Variants in CDH13 observed in about 807,000 individuals in gnomAD.
CDH13 encodes the protein cadherin-13.
Under a neutral mutation model 63.8 loss-of-function variants are expected in CDH13, and 24 were observed. The observed-to-expected ratio is 0.38, with a 90% confidence interval of 0.27 to 0.53. The LOEUF (loss-of-function observed/expected upper bound fraction) is 0.53. Among genes scored for constraint, CDH13 ranks in the 20% least tolerant of loss-of-function variants. The probability of loss-of-function intolerance (pLI) is 0.85; values close to 1 mark genes in which losing one functional copy is unlikely to be tolerated. For synonymous variants in CDH13, 503 were observed against 355.3 expected (o/e 1.42, Z -4.67); for missense variants, 1,049 against 903.1 (o/e 1.16, Z -2.07).
At chr16:82,659,362 G>T (rs778183236) in intron 1 of CDH13, among the ~76,000 whole-genome samples, 3 of 152,194 alleles carry the variant, frequency 2.0e-5, no homozygotes, top group Non-Finnish European at 2.9e-5. Flanking sequence ...AGACGGCCTT[G>T]CCATTGAGAG....
At chr16:82,935,988 A>G (rs1460781362) in intron 2 of CDH13, among the ~76,000 whole-genome samples, 3 of 152,158 alleles carry the variant, frequency 2.0e-5, no homozygotes, top group Admixed American at 6.5e-5. Context: ...GTGCTCACCC[A>G]TTGGTTCTGT....
At chr16:83,063,963 G>A (rs1433867606) in intron 3 of CDH13, among the ~76,000 whole-genome samples, 1 of 152,154 alleles carries the variant, frequency 6.6e-6, no homozygotes, top group Non-Finnish European at 1.5e-5. Context: ...ATTGAAGCAG[G>A]CTAAGTATGA....
intron 4 of CDH13, among the ~76,000 whole-genome samples, chr16:83,164,117 C>T (rs917731863): frequency 2.4e-4 from 36 of 151,996 alleles, no homozygotes; most frequent in African/African-American, 7.5e-4. Context: ...CTCCAAAGCC[C>T]GTGTGCTTAT....
chr16:83,544,535 G>A (rs1035950908), intron 7 of CDH13, among the ~76,000 whole-genome samples: 2 of 152,140 alleles, frequency 1.3e-5, no homozygotes, highest in Admixed American at 6.5e-5. Flanking sequence ...TACATGAGAT[G>A]TTTAACACTT....
intron 5 of CDH13, among the ~76,000 whole-genome samples, chr16:83,230,536 A>C (rs1261399203): frequency 6.6e-6 from 1 of 152,228 alleles, no homozygotes; most frequent in Admixed American, 6.5e-5. Flanking sequence ...CTGTAATCCC[A>C]GCACTTTGGG....
At chr16:82,746,331 C>T (rs7197344) in intron 1 of CDH13, among the ~76,000 whole-genome samples, 38,669 of 146,414 alleles carry the variant, frequency 0.26, 5,808 homozygotes, top group South Asian at 0.38. Context: ...CTAAGTCATA[C>T]TCAAATAGAG....
chr16:83,146,621 C>T (rs937477826), intron 4 of CDH13, among the ~76,000 whole-genome samples: 10 of 152,182 alleles, frequency 6.6e-5, no homozygotes, highest in African/African-American at 2.4e-4. Flanking sequence ...GTGTATGTCA[C>T]GTTAACCAGA....
At chr16:83,504,453 C>G (rs1349058050) in intron 7 of CDH13, among the ~76,000 whole-genome samples, 1 of 152,238 alleles carries the variant, frequency 6.6e-6, no homozygotes, top group African/African-American at 2.4e-5. Context: ...AGACACTCAG[C>G]CTGTCCAGTG....
chr16:83,741,566 A>G (rs1339199230), intron 10 of CDH13, among the ~76,000 whole-genome samples: 1 of 151,872 alleles, frequency 6.6e-6, no homozygotes, highest in African/African-American at 2.4e-5. Context: ...TCCATCTTCC[A>G]TCTATTACTA....
intron 2 of CDH13, among the ~76,000 whole-genome samples, chr16:82,927,503 C>A (rs914996959): frequency 6.6e-6 from 1 of 152,030 alleles, no homozygotes; most frequent in Non-Finnish European, 1.5e-5. Flanking sequence ...TTTAGAAGAC[C>A]CAAAACAGAT....
At chr16:83,102,074 G>T (rs1284986383) in intron 3 of CDH13, among the ~76,000 whole-genome samples, 2 of 152,190 alleles carry the variant, frequency 1.3e-5, no homozygotes, top group Admixed American at 1.3e-4. Context: ...GCCAGAAAGG[G>T]ATTTGAAGAT....
chr16:82,899,368 A>T (rs1041439395), intron 2 of CDH13, among the ~76,000 whole-genome samples: 1 of 152,256 alleles, frequency 6.6e-6, no homozygotes, highest in South Asian at 2.1e-4. Context: ...ACAATACAAT[A>T]CATCAATGGT....
chr16:82,994,848 G>T (rs1333322815), intron 2 of CDH13, among the ~76,000 whole-genome samples: 1 of 152,140 alleles, frequency 6.6e-6, no homozygotes, highest in African/African-American at 2.4e-5. Flanking sequence ...TGAGTAAAGT[G>T]GTTAAGAGAA....
intron 10 of CDH13, chr16:83,729,113 G>T (rs1910762475): frequency 6.6e-6 from 1 of 152,036 alleles, no homozygotes; most frequent in South Asian, 2.1e-4. Flanking sequence ...CTAAGGAGAG[G>T]CCCACCTCCA....
At chr16:82,691,014 A>G (rs966464714) in intron 1 of CDH13, among the ~76,000 whole-genome samples, 1 of 152,224 alleles carries the variant, frequency 6.6e-6, no homozygotes, top group African/African-American at 2.4e-5. Context: ...ATGGGAGAAT[A>G]GAGCCAGTGA....
chr16:82,665,556 C>T (rs929519952), intron 1 of CDH13, among the ~76,000 whole-genome samples: 2 of 152,146 alleles, frequency 1.3e-5, no homozygotes, highest in African/African-American at 4.8e-5. Context: ...TATGCAGACA[C>T]TCCTTGATTT....
intron 6 of CDH13, among the ~76,000 whole-genome samples, chr16:83,345,924 C>A (rs966888023): frequency 1.3e-5 from 2 of 152,082 alleles, no homozygotes; most frequent in Non-Finnish European, 2.9e-5. Flanking sequence ...ATTTTTCCCC[C>A]TTTTCTGAAT....
intron 7 of CDH13, among the ~76,000 whole-genome samples, chr16:83,529,343 TA>T (rs138494436): frequency 6.6e-6 from 1 of 152,082 alleles, no homozygotes; most frequent in African/African-American, 2.4e-5. Context: ...AAAACTAGCC[TA>T]AAAAATAATA....
rs372715515 is a variant in CDH13 at position 83,742,499 on chromosome 16, C to T, written c.1539-5609C>T. Among the ~76,000 whole-genome samples, 201 of 152,176 alleles carry T rather than the reference C, an allele frequency of 1.3e-3. 7 individuals are homozygous for T. The South Asian group carries it at 0.04, about 30-fold the overall frequency. ...GCCCGGAAATTCCAATTTAATAAGG[C>T]GTATGCATTTTTCAGGCCTAGAAGC... On this transcript the variant is annotated intron_variant, in intron 10 of 13. Coordinates refer to ENST00000567109, the MANE Select transcript of CDH13 (RefSeq NM_001257.5).
Sources: gnomAD v4.1 joint callset for allele counts (sites outside exome capture counted in the v4.1 genomes callset) on GRCh38, gnomAD v4.1.1 for gene constraint, MANE v1.5 for transcripts, NCBI Gene and HGNC (gene_info 2026-07-23, HGNC 2026-07-21) for gene names.